Variants in PXDN observed in about 807,000 individuals in gnomAD.
PXDN encodes the protein peroxidasin, also known as peroxidasin homolog.
Under a neutral mutation model 140.3 loss-of-function variants are expected in PXDN, and 77 were observed. The ratio of observed to expected loss-of-function variants is 0.55; its 90% confidence interval spans 0.46 to 0.66. The LOEUF (loss-of-function observed/expected upper bound fraction) is 0.66, where lower values mean the gene tolerates loss of function less well. Among genes scored for constraint, PXDN ranks in the 30% least tolerant of loss-of-function variants. The pLI, the probability that PXDN is intolerant of heterozygous loss-of-function variation, is 0.00. For synonymous variants in PXDN, 911 were observed against 857.4 expected (o/e 1.06, Z -1.09); for missense variants, 1,838 against 2,039.5 (o/e 0.90, Z 1.90).
intron 1 of PXDN, among the ~76,000 whole-genome samples, chr2:1,716,765 C>T (rs1419825492): frequency 6.6e-6 from 1 of 152,154 alleles, no homozygotes; most frequent in Non-Finnish European, 1.5e-5. Context: ...TCCATCAGTA[C>T]AGGGGTAACC....
chr2:1,721,659 AC>A (rs1424842263), intron 1 of PXDN, among the ~76,000 whole-genome samples: 1 of 152,160 alleles, frequency 6.6e-6, no homozygotes, highest in Non-Finnish European at 1.5e-5. Flanking sequence ...ACACAGTGAA[AC>A]CCCGTCTCTA....
intron 1 of PXDN, 75 bp downstream of exon 1, chr2:1,744,181 T>A: frequency 1.5e-4 from 101 of 682,958 alleles, no homozygotes; most frequent in Non-Finnish European, 1.6e-4. Flanking sequence ...GCCCCCCACC[T>A]CCGATCACCC....
chr2:1,656,895 C>A (rs1683150239), intron 14 of PXDN, among the ~76,000 whole-genome samples: 1 of 150,820 alleles, frequency 6.6e-6, no homozygotes, highest in African/African-American at 2.4e-5. Context: ...CGGACAGGGA[C>A]CTACCCCCTC....
At chr2:1,683,619 T>C (rs1683973855) in intron 6 of PXDN, 37 bp downstream of exon 6, 1 of 1,303,450 alleles carries the variant, frequency 7.7e-7, no homozygotes, top group African/African-American at 1.8e-5. Context: ...GAAAGAAGGC[T>C]TTGCAGCAAA....
intron 14 of PXDN, among the ~76,000 whole-genome samples, chr2:1,658,426 C>T (rs1442567990): frequency 6.6e-6 from 1 of 151,978 alleles, no homozygotes; most frequent in Non-Finnish European, 1.5e-5. Context: ...CCAGCAGTCC[C>T]CCCACAGTGC....
At chr2:1,680,757 C>T (rs1339502894) in intron 6 of PXDN, among the ~76,000 whole-genome samples, 4 of 152,210 alleles carry the variant, frequency 2.6e-5, no homozygotes, top group Non-Finnish European at 5.9e-5. Context: ...ATGAAAACCA[C>T]AGCCACAAAA....
intron 1 of PXDN, among the ~76,000 whole-genome samples, chr2:1,711,647 A>ACTCTCCACCAGCACCTG (rs1302775095): frequency 8.5e-6 from 1 of 117,418 alleles, no homozygotes; most frequent in Non-Finnish European, 1.9e-5. Flanking sequence ...ACCAGCACCC[A>ACTCTCCACCAGCACCTG]CTCCACCAGC....
chr2:1,726,264 T>C (rs1685181477), intron 1 of PXDN, among the ~76,000 whole-genome samples: 1 of 151,500 alleles, frequency 6.6e-6, no homozygotes, highest in Admixed American at 6.6e-5. Context: ...AATGATGAGT[T>C]CATGTCCTTT....
At chr2:1,737,699 C>T (rs1055533915) in intron 1 of PXDN, among the ~76,000 whole-genome samples, 25 of 152,066 alleles carry the variant, frequency 1.6e-4, no homozygotes, top group Middle Eastern at 6.8e-3. Context: ...CCACCACGCC[C>T]GGCTAATTTT....
chr2:1,695,302 G>T lies in PXDN; in HGVS notation c.201-2168C>A, dbSNP rs544350544. Reference sequence around the variant, plus strand: ...CAGAGAGGTGCTGTCCCATCCACAGGCCCCTGTGCCCTGCTGGACAGAGAG... The same window carrying T: ...CAGAGAGGTGCTGTCCCATCCACAGTCCCCTGTGCCCTGCTGGACAGAGAG... On this transcript the variant is annotated intron_variant, in intron 1 of 22. Coordinates refer to ENST00000252804, the MANE Select transcript of PXDN (RefSeq NM_012293.3). 3.0e-3 allele frequency among the ~76,000 whole-genome samples: 460 copies of T among 152,080 alleles called. 3 individuals carry two copies. The highest frequency in any genetic ancestry group is 0.011 in the African/African-American group (438 of 41,476).
intron 1 of PXDN, among the ~76,000 whole-genome samples, chr2:1,739,280 T>C (rs1236012265): frequency 6.6e-6 from 1 of 152,034 alleles, no homozygotes; most frequent in Admixed American, 6.6e-5. Context: ...CTGCCAATCA[T>C]CAGCAACTAG....
intron 1 of PXDN, among the ~76,000 whole-genome samples, chr2:1,726,070 A>G (rs1221892195): frequency 6.6e-6 from 1 of 151,954 alleles, no homozygotes; most frequent in African/African-American, 2.4e-5. Flanking sequence ...CAGCCATCCC[A>G]TTACTGGGTA....
rs147312094 is a variant in PXDN at position 1,687,850 on chromosome 2, A to C, written c.345-147T>G. The C allele has an allele frequency of 3.1e-3, 1,747 of 568,904 alleles. 28 individuals carry two copies. The highest frequency in any genetic ancestry group is 0.029 in the African/African-American group (1,548 of 53,750). The allele number at this position is 568,904 out of a possible 1,614,324, so 35.2% of individuals were successfully genotyped here. A position where few individuals can be genotyped will look rare whatever the true frequency, so the allele number is the denominator to read the frequency against. The stretch of plus-strand genomic sequence containing the variant: ...AACAAACCATCTGCACGGTGAGTAC[A>C]GTGCCTCTCCCAAGGGCTTCCCTTC... On this transcript the variant is annotated intron_variant, in intron 3 of 22. Coordinates refer to ENST00000252804, the MANE Select transcript of PXDN (RefSeq NM_012293.3). The surrounding 1 kb of genome is among the most constrained non-coding windows in gnomAD (Gnocchi z 4.0).
chr2:1,724,825 T>C lies in PXDN; in HGVS notation c.200+19431A>G, dbSNP rs772361057. ...CATATTTTGTTCTCCTTTCTTAAGA[T>C]TGCTTTGGCTGTTTGGGGTCATTTG... On this transcript the variant is annotated intron_variant, in intron 1 of 22. Coordinates refer to ENST00000252804, the MANE Select transcript of PXDN (RefSeq NM_012293.3). 5.0e-4 allele frequency among the ~76,000 whole-genome samples: 76 copies of C among 152,236 alleles called. 1 individual carries two copies. Among genetic ancestry groups the C allele is most frequent in the Non-Finnish European group, 1.0e-3 (70 of 68,038 alleles).
rs1357382352 is a variant in PXDN, at chr2:1,714,372, A to G, written c.201-21238T>C. The stretch of plus-strand genomic sequence containing the variant: ...CACTCGCTCCCATGCCTTTGAGAGG[A>G]GATCAGGTCTTGCCTCTGCCAAGAA... On this transcript the variant is annotated intron_variant, in intron 1 of 22. Coordinates refer to ENST00000252804, the MANE Select transcript of PXDN (RefSeq NM_012293.3). This position sits in a 1 kb window ranked among gnomAD's most constrained non-coding sequence, Gnocchi z 4.3. Among the ~76,000 whole-genome samples the G allele has an allele frequency of 6.6e-6, 1 of 152,152 alleles. No homozygotes were observed. The highest frequency in any genetic ancestry group is 1.5e-5 in the Non-Finnish European group (1 of 68,030).
intron 1 of PXDN, among the ~76,000 whole-genome samples, chr2:1,729,445 C>G (rs1685262690): frequency 1.3e-5 from 2 of 152,290 alleles, no homozygotes; most frequent in South Asian, 4.1e-4. Flanking sequence ...CAGAGAACAT[C>G]CATCCGCAGG....
At chr2:1,734,834 T>G (rs1685395144) in intron 1 of PXDN, among the ~76,000 whole-genome samples, 1 of 152,176 alleles carries the variant, frequency 6.6e-6, no homozygotes, top group African/African-American at 2.4e-5. Flanking sequence ...GCCACTGCAC[T>G]CCAGCCTGGC....
intron 1 of PXDN, among the ~76,000 whole-genome samples, chr2:1,702,651 C>CA (rs2125458479): frequency 6.6e-6 from 1 of 152,194 alleles, no homozygotes; most frequent in South Asian, 2.1e-4. Context: ...TGTTTTGAGA[C>CA]AGAGTCTCGC....
chr2:1,650,572 A>G (rs1488031876), intron 16 of PXDN, among the ~76,000 whole-genome samples: 1 of 151,690 alleles, frequency 6.6e-6, no homozygotes, highest in Non-Finnish European at 1.5e-5. Context: ...GGTCAGACAC[A>G]CTCAGATCTC....
Sources: allele counts gnomAD v4.1 joint callset (sites outside exome capture counted in the v4.1 genomes callset), GRCh38; gene constraint gnomAD v4.1.1; non-coding constraint Gnocchi (gnomAD v3.1); transcripts MANE v1.5; gene names NCBI Gene and HGNC (gene_info 2026-07-23, HGNC 2026-07-21).